KIAA1210: variants seen among roughly 807,000 people sequenced by gnomAD.
KIAA1210 encodes acrosomal protein KIAA1210.
A neutral mutation model predicts 78.9 loss-of-function variants in KIAA1210; 48 were observed. That is an observed-to-expected ratio of 0.61 (90% CI 0.48 to 0.77). The LOEUF (loss-of-function observed/expected upper bound fraction) is 0.77. Ranked by LOEUF, KIAA1210 falls within the 30% of genes least tolerant of loss-of-function variation. The pLI is 0.00. For missense variants in KIAA1210, 1,108 were observed against 1,100.0 expected, an observed-to-expected ratio of 1.01 and a Z score of -0.10; for synonymous variants, 406 against 404.5, an observed-to-expected ratio of 1.00 and a Z score of -0.04.
intron 2 of KIAA1210, among the ~76,000 whole-genome samples, chrX:119,146,896 G>GA (rs201876819): frequency 0.014 from 1,433 of 104,127 alleles, 23 homozygotes; most frequent in African/African-American, 0.044. Context: ...TAGGGGGAAA[G>GA]AAAAAAAAAA....
intron 7 of KIAA1210, among the ~76,000 whole-genome samples, 159 bp downstream of exon 7, chrX:119,096,335 C>T (rs937025165): frequency 8.9e-6 from 1 of 112,471 alleles, no homozygotes; most frequent in African/African-American, 3.2e-5. Context: ...GCTCACCCCT[C>T]TGGGGGTGTC....
intron 2 of KIAA1210, among the ~76,000 whole-genome samples, chrX:119,147,089 T>C (rs1166246748): frequency 9.0e-6 from 1 of 111,210 alleles, no homozygotes; most frequent in Admixed American, 9.6e-5. Context: ...GAAGGTGACA[T>C]AGAGCCAAAT....
intron 6 of KIAA1210, among the ~76,000 whole-genome samples, chrX:119,098,190 G>C (rs1326611360): frequency 9.0e-6 from 1 of 111,627 alleles, no homozygotes; most frequent in Non-Finnish European, 1.9e-5. Flanking sequence ...TGTTCTTCAA[G>C]CACTTCAGGC....
chrX:119,091,270 C>T (rs778054719), intron 8 of KIAA1210, among the ~76,000 whole-genome samples: 3 of 111,829 alleles, frequency 2.7e-5, no homozygotes, highest in Non-Finnish European at 3.8e-5. Context: ...ACTTATACAC[C>T]GCTGCTGGGA....
At chrX:119,092,675 T>C (rs761740364) in intron 8 of KIAA1210, among the ~76,000 whole-genome samples, 1 of 109,079 alleles carries the variant, frequency 9.2e-6, no homozygotes, top group Non-Finnish European at 1.9e-5. Context: ...GCAGGAGAAT[T>C]GCTTGAACTA....
chrX:119,130,532 C>T (rs143218111), upstream of KIAA1210, among the ~76,000 whole-genome samples: 584 of 112,763 alleles, frequency 5.2e-3, 3 homozygotes, highest in African/African-American at 0.014. Context: ...ATACCAGGCA[C>T]GCAGGACGTG....
At chrX:119,106,242 T>TA (rs1488279056) in intron 5 of KIAA1210, among the ~76,000 whole-genome samples, 1 of 112,204 alleles carries the variant, frequency 8.9e-6, no homozygotes, top group East Asian at 2.8e-4. Context: ...TAACTTTTAC[T>TA]AAGAGCTTAC....
At chrX:119,092,661 T>C (rs1603265895) in intron 8 of KIAA1210, among the ~76,000 whole-genome samples, 1 of 109,514 alleles carries the variant, frequency 9.1e-6, no homozygotes, top group African/African-American at 3.3e-5. Context: ...CTAGGGAGGC[T>C]GAGGCAGGAG....
intron 2 of KIAA1210, among the ~76,000 whole-genome samples, chrX:119,146,044 G>A (rs968921845): frequency 1.8e-5 from 2 of 112,009 alleles, no homozygotes; most frequent in South Asian, 7.4e-4. Flanking sequence ...CAATCACATC[G>A]CATTTTACAT....
chrX:119,126,662 T>C (rs985199507), intron 1 of KIAA1210, among the ~76,000 whole-genome samples: 1 of 111,877 alleles, frequency 8.9e-6, no homozygotes, highest in East Asian at 2.8e-4. Context: ...AGAGCCCACA[T>C]CAATGGATTT....
At chrX:119,085,597 T>C in intron 9 of KIAA1210, 51 bp from the exon 10 acceptor site, 1 of 1,096,527 alleles carries the variant, frequency 9.1e-7, no homozygotes, top group East Asian at 3.1e-5. Context: ...GGCAGGGTCT[T>C]GAGCCTGGTT....
chrX:119,113,479 G>A (rs1024695730), intron 3 of KIAA1210, among the ~76,000 whole-genome samples: 9 of 111,680 alleles, frequency 8.1e-5, no homozygotes, highest in Non-Finnish European at 1.1e-4. Flanking sequence ...TCATTCATGG[G>A]AAATGTTCCC....
intron 3 of KIAA1210, among the ~76,000 whole-genome samples, chrX:119,114,733 G>C (rs1465941272): frequency 8.9e-6 from 1 of 111,792 alleles, no homozygotes; most frequent in Admixed American, 9.5e-5. Flanking sequence ...GGTTGAATTG[G>C]CTCTATAGTG....
intron 2 of KIAA1210, chrX:119,147,366 G>T (rs886758256): frequency 4.1e-5 from 38 of 927,822 alleles, no homozygotes; most frequent in Admixed American, 1.0e-4. Context: ...TGCTTCCAGG[G>T]TCATCAGGGA....
Position 119,089,766 on chromosome X carries a change from G to T in KIAA1210, c.956-20C>A, listed in dbSNP as rs140955245. Reference sequence around the variant, plus strand: ...AGGAATCTGCACCAAACAGAAATAAGGAAAGGAGAAATATGTGTGACTTTC... The same window carrying T: ...AGGAATCTGCACCAAACAGAAATAATGAAAGGAGAAATATGTGTGACTTTC... On this transcript the variant is annotated intron_variant, in intron 8 of 11. Coordinates refer to ENST00000691062, the MANE Select transcript of KIAA1210 (RefSeq NM_001394962.1). 0.021 allele frequency: 24,774 copies of T among 1,159,694 alleles called. 220 individuals carry two copies. Among genetic ancestry groups the T allele is most frequent in the Middle Eastern group, 0.034 (139 of 4,143 alleles).
chrX:119,098,885 C>CA (rs1214497817), intron 6 of KIAA1210, among the ~76,000 whole-genome samples: 4 of 112,098 alleles, frequency 3.6e-5, no homozygotes, highest in Non-Finnish European at 7.5e-5. Flanking sequence ...GTTGCACAAG[C>CA]ACTACATGGT....
intron 3 of KIAA1210, among the ~76,000 whole-genome samples, 157 bp downstream of exon 3, chrX:119,116,339 T>C (rs1380866508): frequency 1.8e-5 from 2 of 110,525 alleles, no homozygotes; most frequent in East Asian, 5.7e-4. Flanking sequence ...ACCACCCCCC[T>C]CCCCCGGACA....
chrX:119,104,584 A>T (rs766286241), intron 6 of KIAA1210, among the ~76,000 whole-genome samples: 2 of 112,031 alleles, frequency 1.8e-5, no homozygotes, highest in African/African-American at 6.5e-5. Context: ...AAACCTAGAC[A>T]TATGAAATAG....
chrX:119,134,911 A>G (rs1410973523), intron 2 of KIAA1210, among the ~76,000 whole-genome samples: 1 of 112,716 alleles, frequency 8.9e-6, no homozygotes, highest in Non-Finnish European at 1.9e-5. Flanking sequence ...ATATTATGCA[A>G]TTAATCCAAC....
Sources: allele counts gnomAD v4.1 joint callset (sites outside exome capture counted in the v4.1 genomes callset), GRCh38; gene constraint gnomAD v4.1.1; transcripts MANE v1.5; gene names NCBI Gene and HGNC (gene_info 2026-07-23, HGNC 2026-07-21).